The following SLIT3 variants were observed in gnomAD, a reference collection of about 807,000 sequenced individuals.
SLIT3 encodes slit guidance ligand 3.
SLIT3 carries 68 observed loss-of-function variants against 184.0 expected under a neutral mutation model. The ratio of observed to expected loss-of-function variants is 0.37; its 90% CI spans 0.30 to 0.45. The LOEUF is 0.45. Among genes scored for constraint, SLIT3 ranks in the 20% least tolerant of loss-of-function variants. The probability of loss-of-function intolerance (pLI) is 1.00; values close to 1 mark genes in which losing one functional copy is unlikely to be tolerated. For synonymous variants in SLIT3, 831 were observed against 828.6 expected (o/e 1.00, Z -0.05); for missense variants, 1,707 against 2,026.0 (o/e 0.84, Z 3.02).
At chr5:169,051,878 G>A (rs966579484) in intron 4 of SLIT3, among the ~76,000 whole-genome samples, 6 of 152,072 alleles carry the variant, frequency 3.9e-5, no homozygotes, top group Non-Finnish European at 8.8e-5. Context: ...TAGCACTGTC[G>A]GCTCTCATCC....
chr5:169,083,941 A>G (rs900662949), intron 4 of SLIT3, among the ~76,000 whole-genome samples: 1 of 152,054 alleles, frequency 6.6e-6, no homozygotes, highest in South Asian at 2.1e-4. Context: ...GCTCTCTCAC[A>G]AGCCCTGTAC....
At chr5:169,157,289 A>G (rs73315667) in intron 4 of SLIT3, among the ~76,000 whole-genome samples, 2,020 of 152,298 alleles carry the variant, frequency 0.013, 50 homozygotes, top group African/African-American at 0.046. Flanking sequence ...GAGGAGTTCT[A>G]TGGAATGTCA....
At chr5:169,281,270 T>A (rs1156949310) in intron 1 of SLIT3, among the ~76,000 whole-genome samples, 6 of 152,128 alleles carry the variant, frequency 3.9e-5, no homozygotes, top group Non-Finnish European at 8.8e-5. Flanking sequence ...TGAGGTCAGG[T>A]GATCGAGACC....
intron 12 of SLIT3, among the ~76,000 whole-genome samples, chr5:168,781,011 G>A (rs749589000): frequency 6.6e-6 from 1 of 152,190 alleles, no homozygotes; most frequent in Non-Finnish European, 1.5e-5. Flanking sequence ...GTCCCAACTA[G>A]GGGCAACAGT....
chr5:169,121,920 A>G (rs547490968), intron 4 of SLIT3, among the ~76,000 whole-genome samples: 1 of 152,330 alleles, frequency 6.6e-6, no homozygotes, highest in East Asian at 1.9e-4. Context: ...TCACCGCCCA[A>G]CACTCCAATT....
At chr5:168,894,738 G>T (rs1760604102) in intron 4 of SLIT3, among the ~76,000 whole-genome samples, 1 of 152,172 alleles carries the variant, frequency 6.6e-6, no homozygotes, top group South Asian at 2.1e-4. Flanking sequence ...CAATAGATTT[G>T]GAAAATGCAT....
intron 8 of SLIT3, among the ~76,000 whole-genome samples, chr5:168,807,865 G>A (rs1341774445): frequency 2.6e-5 from 4 of 152,220 alleles, no homozygotes; most frequent in Middle Eastern, 3.4e-3. Flanking sequence ...GTTTGGACGC[G>A]GACGCTTCAA....
chr5:169,288,448 C>CAGGA (rs1767232117), intron 1 of SLIT3, among the ~76,000 whole-genome samples: 1 of 152,040 alleles, frequency 6.6e-6, no homozygotes, highest in Non-Finnish European at 1.5e-5. Context: ...GGCTTGCTTT[C>CAGGA]ATCAATGATT....
intron 1 of SLIT3, among the ~76,000 whole-genome samples, chr5:169,263,859 C>G (rs1434077839): frequency 2.0e-5 from 3 of 151,550 alleles, no homozygotes; most frequent in African/African-American, 7.3e-5. Context: ...CCTTGTCTCC[C>G]AAAGGACCTT....
chr5:169,027,050 C>T (rs1756856345), intron 4 of SLIT3, among the ~76,000 whole-genome samples: 1 of 152,114 alleles, frequency 6.6e-6, no homozygotes, highest in Admixed American at 6.5e-5. Flanking sequence ...ATCATGTTTC[C>T]ATGGGTAGAC....
At chr5:168,780,310 A>G (rs993231139) in intron 12 of SLIT3, among the ~76,000 whole-genome samples, 1 of 152,236 alleles carries the variant, frequency 6.6e-6, no homozygotes. Flanking sequence ...TTCCAGGAGA[A>G]TGGATGAAGC....
chr5:169,113,712 G>C (rs753256184), intron 4 of SLIT3, among the ~76,000 whole-genome samples: 1 of 145,470 alleles, frequency 6.9e-6, no homozygotes, highest in Non-Finnish European at 1.5e-5. Context: ...TTGGAGTGCA[G>C]TGGCTCGATC....
chr5:168,760,959 G>A (rs1755125509), intron 15 of SLIT3, 23 bp from the exon 16 acceptor site: 1 of 1,590,794 alleles, frequency 6.3e-7, no homozygotes, highest in Admixed American at 1.7e-5. Context: ...CAAGATGAGT[G>A]GTAGGTTAGC....
chr5:168,872,716 A>C (rs1398971609), intron 5 of SLIT3, among the ~76,000 whole-genome samples: 1 of 143,818 alleles, frequency 7.0e-6, no homozygotes, highest in Non-Finnish European at 1.5e-5. Flanking sequence ...TCAGCTCACT[A>C]CAACCTCTGC....
chr5:168,884,291 G>C (rs1760084319), intron 4 of SLIT3, among the ~76,000 whole-genome samples: 1 of 151,400 alleles, frequency 6.6e-6, no homozygotes, highest in Non-Finnish European at 1.5e-5. Context: ...CTTCCAGGCT[G>C]TTCCCGCACA....
chr5:168,820,623 G>A (rs1757498198), intron 7 of SLIT3, among the ~76,000 whole-genome samples: 1 of 152,172 alleles, frequency 6.6e-6, no homozygotes, highest in Non-Finnish European at 1.5e-5. Flanking sequence ...CAAGGCTGCA[G>A]TTTCTCATTT....
chr5:168,748,220 G>T, intron 20 of SLIT3, 82 bp downstream of exon 20: 1 of 1,390,902 alleles, frequency 7.2e-7, no homozygotes, highest in Non-Finnish European at 9.4e-7. Context: ...ATGTTGCCTT[G>T]CTTGAGATTC....
intron 4 of SLIT3, among the ~76,000 whole-genome samples, chr5:169,071,658 C>T (rs1758554170): frequency 6.6e-6 from 1 of 152,174 alleles, no homozygotes; most frequent in Admixed American, 6.5e-5. Flanking sequence ...AGTCCTTTGA[C>T]ATGGAATCTT....
chr5:168,716,231 T>C (rs1252797723), intron 23 of SLIT3, among the ~76,000 whole-genome samples: 2 of 152,114 alleles, frequency 1.3e-5, no homozygotes, highest in Non-Finnish European at 2.9e-5. Context: ...CACCTCAGCC[T>C]CCCAAAGTGC....
Sources: gnomAD v4.1 joint callset for allele counts (sites outside exome capture counted in the v4.1 genomes callset) on GRCh38, gnomAD v4.1.1 for gene constraint, MANE v1.5 for transcripts, NCBI Gene and HGNC (gene_info 2026-07-23, HGNC 2026-07-21) for gene names.